The following TBC1D8B variants were observed in gnomAD, a reference collection of about 807,000 sequenced individuals.
TBC1D8B encodes TBC1 domain family member 8B, also known as RP11-321G1.1.
In TBC1D8B, 75 loss-of-function variants were observed where a neutral mutation model predicts 82.9. The observed-to-expected ratio is 0.90, with a 90% CI of 0.75 to 1.10. The LOEUF is 1.10. TBC1D8B is among the 50% of genes least tolerant of loss of function. The pLI, the probability that TBC1D8B is intolerant of heterozygous loss-of-function variation, is 0.00. For synonymous variants in TBC1D8B, 276 were observed against 276.8 expected, an observed-to-expected ratio of 1.00 and a Z score of 0.03; for missense variants, 794 against 796.9, an observed-to-expected ratio of 1.00 and a Z score of 0.04.
At position 106,822,013 on chromosome X, in the gene TBC1D8B, AAAG is replaced by A. The variant is rs1486569571; in HGVS notation, c.402_404del (p.Glu134del). On this transcript the variant is annotated inframe_deletion, in exon 4 of 21. Transcript: ENST00000357242. The stretch of plus-strand genomic sequence containing the variant: ...TGAAGAGGGAAAACATTGTTTTGCA[AAAG>A]AAGATGATCCTGAGAAATTTCGAGA... The A allele has an allele frequency of 1.7e-6, 2 of 1,210,815 alleles. No individual in the cohort carries two copies. Among genetic ancestry groups the A allele is most frequent in the Admixed American group, 2.2e-5 (1 of 45,913 alleles).
chrX:106,848,429 G>T (rs1932511495), intron 11 of TBC1D8B, 126 bp downstream of exon 11: 1 of 414,338 alleles, frequency 2.4e-6, no homozygotes, highest in Admixed American at 4.0e-5. Context: ...TTATGTTGTG[G>T]TATAAAATGC....
At chrX:106,866,338 C>A (rs1462194668) in intron 16 of TBC1D8B, among the ~76,000 whole-genome samples, 1 of 111,623 alleles carries the variant, frequency 9.0e-6, no homozygotes, top group Non-Finnish European at 1.9e-5. Flanking sequence ...ACCCCACCGA[C>A]CTCCCCGTAA....
chrX:106,846,590 G>A (rs1331232225), intron 10 of TBC1D8B, among the ~76,000 whole-genome samples: 1 of 111,605 alleles, frequency 9.0e-6, no homozygotes, highest in Non-Finnish European at 1.9e-5. Flanking sequence ...GATGACTTTT[G>A]TCAGTGTTCT....
At chrX:106,848,013 T>G (rs1423201088) in intron 10 of TBC1D8B, among the ~76,000 whole-genome samples, 173 bp from the exon 11 acceptor site, 1 of 112,142 alleles carries the variant, frequency 8.9e-6, no homozygotes, top group East Asian at 2.8e-4. Flanking sequence ...AATGTTAGCC[T>G]GACTTCACCT....
chrX:106,808,370 G>A (rs1203230323), intron 1 of TBC1D8B, among the ~76,000 whole-genome samples: 1 of 111,738 alleles, frequency 8.9e-6, no homozygotes, highest in African/African-American at 3.3e-5. Flanking sequence ...TAATGAAAGA[G>A]AAAGACGTTA....
At position 106,874,148 on chromosome X, in the gene TBC1D8B, A is replaced by AAAAC. The variant is rs1017782211; in HGVS notation, c.*199_*202dup. The stretch of plus-strand genomic sequence containing the variant: ...ATAATGGGCTTTGTTAGCACTTTTT[A>AAAAC]AAACAAACAAACAAACAAAACAAAA... On this transcript the variant is annotated 3_prime_UTR_variant, in exon 21 of 21. Coordinates refer to ENST00000357242, the MANE Select transcript of TBC1D8B (RefSeq NM_017752.3). The AAAAC allele has an allele frequency of 2.5e-5, 9 of 354,547 alleles. No homozygotes were observed. Among genetic ancestry groups the AAAAC allele is most frequent in the Non-Finnish European group, 3.7e-5 (8 of 218,953 alleles). The allele number at this position is 354,547 out of a possible 1,213,427, so 29.2% of individuals were successfully genotyped here.
At chrX:106,849,323 G>A (rs771590895) in intron 11 of TBC1D8B, 4 of 1,113,798 alleles carry the variant, frequency 3.6e-6, no homozygotes, top group Non-Finnish European at 4.8e-6. Flanking sequence ...GAAAATCTGG[G>A]GTAGCACCTG....
At position 106,826,081 on chromosome X, in the gene TBC1D8B, G is replaced by A; in HGVS notation, c.879G>A (p.Leu293=). The A allele has an allele frequency of 1.7e-6, 2 of 1,210,627 alleles. No individual in the cohort carries two copies. The highest frequency in any genetic ancestry group is 2.2e-6 in the Non-Finnish European group (2 of 894,958). ...AGCAATTTAATGCCTTTTTTAGGCT[G>A]CCCAAAGGAGAGAGTTTGAAAGAAG... is the stretch of plus-strand genomic sequence containing the variant. The part of the protein sequence containing the change: ...HSEQFNAFFR[L]PKGESLKEVH... The change falls in exon 6 of 21, where the codon CTG becomes CTA. Residue 293 remains leucine, a synonymous_variant. Coordinates refer to ENST00000357242, the MANE Select transcript of TBC1D8B (RefSeq NM_017752.3).
intron 16 of TBC1D8B, among the ~76,000 whole-genome samples, chrX:106,866,321 T>A (rs1307699512): frequency 4.5e-5 from 5 of 111,759 alleles, no homozygotes; most frequent in Admixed American, 9.5e-5. Context: ...ACCGAAGGAC[T>A]TCCCCCACCC....
intron 2 of TBC1D8B, among the ~76,000 whole-genome samples, chrX:106,820,006 A>G (rs1931653057): frequency 9.0e-6 from 1 of 110,888 alleles, no homozygotes; most frequent in Admixed American, 9.7e-5. Context: ...ACTTAGTAGC[A>G]TGAATAAAAT....
At chrX:106,835,622 C>A (rs1179978763) in intron 7 of TBC1D8B, among the ~76,000 whole-genome samples, 1 of 112,169 alleles carries the variant, frequency 8.9e-6, no homozygotes, top group Non-Finnish European at 1.9e-5. Flanking sequence ...TGCTCTGCTT[C>A]CTCTTGAACA....
At chrX:106,803,863 C>A (rs756169004) in intron 1 of TBC1D8B, among the ~76,000 whole-genome samples, 3 of 111,861 alleles carry the variant, frequency 2.7e-5, no homozygotes, top group Admixed American at 9.5e-5. Flanking sequence ...AGCTCTTTTT[C>A]TAATCAATCT....
At chrX:106,863,500 C>T (rs895307939) in intron 14 of TBC1D8B, among the ~76,000 whole-genome samples, 4 of 111,555 alleles carry the variant, frequency 3.6e-5, no homozygotes, top group African/African-American at 1.3e-4. Flanking sequence ...GAGGCACACA[C>T]CACCCCTCTA....
rs779130744 is a variant in TBC1D8B, at chrX:106,871,934, T to C, written c.2967+1121T>C. On this transcript the variant is annotated intron_variant, in intron 20 of 20. Coordinates refer to ENST00000357242, the MANE Select transcript of TBC1D8B (RefSeq NM_017752.3). Reference sequence around the variant, plus strand: ...CGCAGGAGCTTCTCTCCACGTGGAGTTGGGGTGCACCACCCTCCCGGCATG... The same window carrying C: ...CGCAGGAGCTTCTCTCCACGTGGAGCTGGGGTGCACCACCCTCCCGGCATG... Among the ~76,000 whole-genome samples the C allele has an allele frequency of 1.6e-3, 178 of 110,334 alleles. 1 individual carries two copies. Among genetic ancestry groups the C allele is most frequent in the African/African-American group, 5.6e-3 (169 of 30,327 alleles).
chrX:106,855,794 G>A (rs1233625153), intron 14 of TBC1D8B, among the ~76,000 whole-genome samples: 3 of 111,767 alleles, frequency 2.7e-5, no homozygotes, highest in African/African-American at 6.5e-5. Context: ...TGCTTCAAAA[G>A]ATTTTGCCAA....
At chrX:106,828,035 G>C (rs1246700755) in intron 7 of TBC1D8B, 5 of 111,243 alleles carry the variant, frequency 4.5e-5, no homozygotes, top group Admixed American at 1.9e-4. Flanking sequence ...AAAATTGATA[G>C]ACCACTAGCA....
Position 106,854,216 on chromosome X carries a change from T to C in TBC1D8B, c.2272T>C (p.Tyr758His). Residue 758 changes from tyrosine to histidine, a missense_variant, in exon 14 of 21, where the codon TAT becomes CAT. By Grantham distance (83) the Tyr-to-His change is moderately conservative. Coordinates refer to ENST00000357242, the MANE Select transcript of TBC1D8B (RefSeq NM_017752.3). ...ESNEKYGNIR[Y>H]EDIHSMRCRN... ...CTTGCAGAAATATGGTAATATTCGC[T>C]ATGAAGATATACATAGTATGCGCTG... The C allele has an allele frequency of 8.5e-7, 1 of 1,173,736 alleles. No homozygotes were observed. The highest frequency in any genetic ancestry group is 1.1e-6 in the Non-Finnish European group (1 of 878,805).
intron 10 of TBC1D8B, among the ~76,000 whole-genome samples, chrX:106,843,321 G>T (rs970055424): frequency 9.0e-6 from 1 of 111,590 alleles, no homozygotes; most frequent in African/African-American, 3.2e-5. Context: ...ATGTATGAGG[G>T]TTCTATTTTT....
rs1268602255 is a variant in TBC1D8B at position 106,866,686 on chromosome X, T to C, written c.2663-111T>C. The C allele has an allele frequency of 1.9e-5, 10 of 517,955 alleles. No individual in the cohort carries two copies. In the African/African-American group the frequency reaches 2.2e-4, roughly 11 times the overall value. 42.7% of individuals were successfully genotyped at this position (517,955 alleles called of 1,213,427 possible). On this transcript the variant is annotated intron_variant, in intron 16 of 20. Coordinates refer to ENST00000357242, the MANE Select transcript of TBC1D8B (RefSeq NM_017752.3). ...TAATTGTTAGCTTAAGTAACAGGTT[T>C]CTAAATCCTAATTTTTGACTAATGT...
Sources: gnomAD v4.1 joint callset for allele counts (sites outside exome capture counted in the v4.1 genomes callset) on GRCh38, gnomAD v4.1.1 for gene constraint, MANE v1.5 for transcripts, NCBI Gene and HGNC (gene_info 2026-07-23, HGNC 2026-07-21) for gene names.